Variants in USP37 observed in about 807,000 individuals in gnomAD.
USP37 encodes ubiquitin carboxyl-terminal hydrolase 37.
USP37 carries 27 observed loss-of-function variants against 124.0 expected under a neutral mutation model. The ratio of observed to expected loss-of-function variants is 0.22; its 90% CI spans 0.16 to 0.30. USP37 has a LOEUF of 0.30. Among genes scored for constraint, USP37 ranks in the 10% least tolerant of loss-of-function variants. The pLI is 1.00. For synonymous variants in USP37, 365 were observed against 388.0 expected, an observed-to-expected ratio of 0.94 and a Z score of 0.70; for missense variants, 889 against 1,140.4, an observed-to-expected ratio of 0.78 and a Z score of 3.17.
rs1369462849 is a variant in USP37 at position 218,534,607 on chromosome 2, A to C, written c.778+2T>G. 6.3e-7 allele frequency: 1 copy of C among 1,580,556 alleles called. No individual in the cohort carries two copies. Among genetic ancestry groups the C allele is most frequent in the Non-Finnish European group, 8.6e-7 (1 of 1,162,920 alleles). On this transcript the variant is annotated splice_donor_variant, in intron 9 of 25. Coordinates refer to ENST00000258399, the MANE Select transcript of USP37 (RefSeq NM_020935.3). LOFTEE classifies it high-confidence loss of function. The stretch of plus-strand genomic sequence containing the variant: ...TTATTTATTGTAAGATCAAACACTT[A>C]CCTGATGTCCTATTCTCTTCTGACT...
chr2:218,501,389 GT>G (rs1426286030), intron 11 of USP37, among the ~76,000 whole-genome samples: 1 of 152,064 alleles, frequency 6.6e-6, no homozygotes, highest in Non-Finnish European at 1.5e-5. Flanking sequence ...TGATATTCCT[GT>G]GTTGCCCATG....
At chr2:218,474,560 T>C (rs549026) in intron 20 of USP37, 70 bp downstream of exon 20, 992,647 of 1,571,690 alleles carry the variant, frequency 0.63, 316,803 homozygotes, top group East Asian at 0.9. Flanking sequence ...ATTTGGAGGT[T>C]ATTTGTCACT....
intron 19 of USP37, among the ~76,000 whole-genome samples, chr2:218,475,533 G>A (rs1044743694): frequency 1.3e-5 from 2 of 152,102 alleles, no homozygotes; most frequent in South Asian, 2.1e-4. Context: ...CCAGGAGTTC[G>A]AGATCAGCCT....
At chr2:218,462,775 A>ATGAATACAAAT (rs1230896018) in intron 22 of USP37, among the ~76,000 whole-genome samples, 1 of 152,176 alleles carries the variant, frequency 6.6e-6, no homozygotes, top group African/African-American at 2.4e-5. Context: ...CAAGCTGAAG[A>ATGAATACAAAT]TGAATACAAA....
intron 10 of USP37, among the ~76,000 whole-genome samples, chr2:218,518,479 AAG>A (rs1247393394): frequency 6.6e-6 from 1 of 152,216 alleles, no homozygotes; most frequent in Non-Finnish European, 1.5e-5. Context: ...AATCAAATCT[AAG>A]ATACAACCAA....
intron 10 of USP37, among the ~76,000 whole-genome samples, chr2:218,527,095 A>G (rs1180227842): frequency 6.6e-6 from 1 of 151,964 alleles, no homozygotes; most frequent in Non-Finnish European, 1.5e-5. Context: ...GCCTGCTTTT[A>G]TCATCTCGGT....
At position 218,495,968 on chromosome 2, in the gene USP37, T is replaced by A; in HGVS notation, c.1282-18A>T. On this transcript the variant is annotated intron_variant, in intron 13 of 25. Transcript: ENST00000258399. ...TGAGCATCCTAATAAGACAACAATA[T>A]CCTTAATCAGATAAAAACATTTCTT... 1 of 1,593,878 alleles carries A rather than the reference T, an allele frequency of 6.3e-7. No individual in the cohort carries two copies. Among genetic ancestry groups the A allele is most frequent in the Non-Finnish European group, 8.5e-7 (1 of 1,172,240 alleles).
At chr2:218,492,193 C>T (rs1048845590) in intron 14 of USP37, among the ~76,000 whole-genome samples, 1 of 151,712 alleles carries the variant, frequency 6.6e-6, no homozygotes, top group Non-Finnish European at 1.5e-5. Context: ...AAAGCAACAC[C>T]CTGTCTCAGA....
intron 11 of USP37, 36 bp downstream of exon 11, chr2:218,509,943 T>C: frequency 1.3e-6 from 2 of 1,498,630 alleles, no homozygotes; most frequent in Non-Finnish European, 1.8e-6. Context: ...TGAATCACTT[T>C]ATAAAAAAGA....
intron 11 of USP37, among the ~76,000 whole-genome samples, chr2:218,504,548 C>T (rs542513418): frequency 6.6e-6 from 1 of 152,260 alleles, no homozygotes; most frequent in Admixed American, 6.5e-5. Context: ...GCCTCAGTCT[C>T]CCCGGTAGCT....
rs1014968219 is a variant in USP37, at chr2:218,450,842, A to G, written c.*4088T>C. The G allele has an allele frequency of 6.6e-6, 1 of 152,248 alleles. No homozygotes were observed. Among genetic ancestry groups the G allele is most frequent in the Non-Finnish European group, 1.5e-5 (1 of 68,044 alleles). The allele number at this position is 152,248 out of a possible 1,614,324, so 9.4% of individuals were successfully genotyped here. On this transcript the variant is annotated 3_prime_UTR_variant, in exon 26 of 26. Transcript: ENST00000258399. ...TCCAATGTTACAAAATCAAATGCTTATATTCAGACTGGCACACTTTTTAAA... is the reference window on the plus strand; with the variant it reads ...TCCAATGTTACAAAATCAAATGCTTGTATTCAGACTGGCACACTTTTTAAA...
At chr2:218,526,811 C>T (rs1489863689) in intron 10 of USP37, among the ~76,000 whole-genome samples, 6 of 17,912 alleles carry the variant, frequency 3.3e-4, no homozygotes, top group East Asian at 5.3e-3. Context: ...TTTTTTGGGA[C>T]GGAGTCTTGC....
In USP37 at chr2:218,547,047, T is replaced by C; in HGVS notation, c.474A>G (p.Pro158=). ...CCGGATTACCAAGAACTTTTCGAAA[T>C]GGAATATCATCTTTAGTTTCCAAAC... ...RGSLETKDDI[P]FRKVLGNPGR... The change falls in exon 7 of 26, where the codon CCA becomes CCG. Residue 158 remains proline, a synonymous_variant. Transcript: ENST00000258399. The C allele has an allele frequency of 1.2e-6, 2 of 1,610,230 alleles. No individual in the cohort carries two copies. Among genetic ancestry groups the C allele is most frequent in the Non-Finnish European group, 1.7e-6 (2 of 1,179,164 alleles).
intron 10 of USP37, among the ~76,000 whole-genome samples, chr2:218,512,632 A>ACTTATTT (rs1409554201): frequency 6.6e-6 from 1 of 152,234 alleles, no homozygotes; most frequent in African/African-American, 2.4e-5. Flanking sequence ...TTGTGTAAAT[A>ACTTATTT]ACCTTATTAG....
chr2:218,492,601 G>T (rs1300852364), intron 14 of USP37, among the ~76,000 whole-genome samples: 1 of 152,210 alleles, frequency 6.6e-6, no homozygotes, highest in Non-Finnish European at 1.5e-5. Context: ...GATGATAGTG[G>T]CTTGGTGTAG....
chr2:218,482,813 A>G (rs1691334373), intron 16 of USP37, among the ~76,000 whole-genome samples: 1 of 152,190 alleles, frequency 6.6e-6, no homozygotes, highest in Admixed American at 6.5e-5. Context: ...GTGGGTCTGT[A>G]AAGGCTTTTA....
rs754647828 is a variant in USP37, at chr2:218,463,272, C to T, written c.2527+34G>A. The T allele has an allele frequency of 3.2e-6, 5 of 1,570,114 alleles. No homozygotes were observed. In the Middle Eastern group the frequency reaches 5.2e-4, roughly 163 times the overall value. ...TTCTATGTGTGAATGGTAATTTTACCATTAAAAAAATGTAATTAAAAAGAT... is the reference window on the plus strand; with the variant it reads ...TTCTATGTGTGAATGGTAATTTTACTATTAAAAAAATGTAATTAAAAAGAT... On this transcript the variant is annotated intron_variant, in intron 22 of 25. Transcript: ENST00000258399.
At position 218,454,519 on chromosome 2, in the gene USP37, GACACCTTC is replaced by G. The variant is rs1431957358; in HGVS notation, c.*403_*410del. 1.3e-5 allele frequency: 2 copies of G among 156,974 alleles called. No individual in the cohort carries two copies. The highest frequency in any genetic ancestry group is 4.8e-5 in the African/African-American group (2 of 41,552). 9.7% of individuals were successfully genotyped at this position (156,974 alleles called of 1,614,324 possible). A position where few individuals can be genotyped will look rare whatever the true frequency, so the allele number is the denominator to read the frequency against. On this transcript the variant is annotated 3_prime_UTR_variant, in exon 26 of 26. Coordinates refer to ENST00000258399, the MANE Select transcript of USP37 (RefSeq NM_020935.3). ...CATTTCTCAGGTGAATGGACTCTTT[GACACCTTC>G]ATTTCTTCTCCAAACTGCTGTGCTA...
intron 20 of USP37, among the ~76,000 whole-genome samples, chr2:218,467,891 G>GTTTT (rs1206063613): frequency 7.2e-6 from 1 of 139,668 alleles, no homozygotes; most frequent in African/African-American, 2.6e-5. Flanking sequence ...TGTTTTTTTT[G>GTTTT]TTTTTTTTTT....
Sources: allele counts gnomAD v4.1 joint callset (sites outside exome capture counted in the v4.1 genomes callset), GRCh38; gene constraint gnomAD v4.1.1; transcripts MANE v1.5; gene names NCBI Gene and HGNC (gene_info 2026-07-23, HGNC 2026-07-21).